Variants in BTC observed in about 807,000 individuals in gnomAD.
BTC encodes betacellulin.
In BTC, 13 loss-of-function variants were observed where a neutral mutation model predicts 18.1. That is an observed-to-expected ratio of 0.72 (90% CI 0.47 to 1.14). The LOEUF is 1.14. BTC is among the 50% of genes most tolerant of loss of function. The pLI, the probability that BTC is intolerant of heterozygous loss-of-function variation, is 0.00. For synonymous variants in BTC, 83 were observed against 79.4 expected, an observed-to-expected ratio of 1.05 and a Z score of -0.24; for missense variants, 247 against 224.2, an observed-to-expected ratio of 1.10 and a Z score of -0.65.
intron 1 of BTC, among the ~76,000 whole-genome samples, chr4:74,780,840 C>T (rs917132995): frequency 2.6e-5 from 4 of 150,974 alleles, no homozygotes; most frequent in African/African-American, 9.7e-5. Flanking sequence ...ATTGGTTTCC[C>T]AGGTTCCAAG....
intron 1 of BTC, among the ~76,000 whole-genome samples, chr4:74,780,849 AGTG>A (rs1725297906): frequency 6.6e-6 from 1 of 151,090 alleles, no homozygotes; most frequent in South Asian, 2.1e-4. Context: ...CCAGGTTCCA[AGTG>A]GCCTGAGTCT....
intron 1 of BTC, among the ~76,000 whole-genome samples, chr4:74,784,607 C>T (rs1270395864): frequency 6.6e-6 from 1 of 152,092 alleles, no homozygotes; most frequent in East Asian, 1.9e-4. Context: ...CTTTCAATAC[C>T]TAGTTTATTG....
chr4:74,749,691 G>T (rs71605423), intron 4 of BTC, among the ~76,000 whole-genome samples: 34,878 of 76,280 alleles, frequency 0.46, 6,614 homozygotes, highest in Non-Finnish European at 0.53. Flanking sequence ...TTTTTTTGTT[G>T]TTGTTGTTGT....
chr4:74,760,716 T>C (rs1724728964), intron 2 of BTC, among the ~76,000 whole-genome samples: 1 of 151,124 alleles, frequency 6.6e-6, no homozygotes. Flanking sequence ...TAGCATGATA[T>C]GGACAGATTA....
chr4:74,792,134 G>A (rs915815053), intron 1 of BTC, among the ~76,000 whole-genome samples: 1 of 152,132 alleles, frequency 6.6e-6, no homozygotes, highest in African/African-American at 2.4e-5. Context: ...GCCACTTAAT[G>A]GAAACAGCGA....
At chr4:74,773,121 G>A (rs1434388943) in intron 1 of BTC, among the ~76,000 whole-genome samples, 2 of 152,226 alleles carry the variant, frequency 1.3e-5, no homozygotes. Flanking sequence ...AGGTTGGTGG[G>A]TGTGAACCAA....
chr4:74,777,446 A>G (rs1203110565), intron 1 of BTC, among the ~76,000 whole-genome samples: 2 of 152,176 alleles, frequency 1.3e-5, no homozygotes, highest in African/African-American at 2.4e-5. Flanking sequence ...GATACTGACA[A>G]ATTTCTACAT....
chr4:74,748,084 A>T lies in BTC; in HGVS notation c.494T>A (p.Ile165Lys). The change falls in exon 5 of 6, where the codon ATA becomes AAA. Residue 165 changes from isoleucine to lysine, a missense_variant. Transcript: ENST00000395743. ...TTCAATATCTTCATTGATAGGAGTT[A>T]TATCTTTACCCAGAGTTTCCATTTC... ...EEEMETLGKDITPINEDIEET... is the reference protein window; with the variant it reads ...EEEMETLGKDKTPINEDIEET... The T allele has an allele frequency of 6.2e-7, 1 of 1,610,240 alleles. No individual in the cohort carries two copies. Among genetic ancestry groups the T allele is most frequent in the Non-Finnish European group, 8.5e-7 (1 of 1,178,166 alleles).
At chr4:74,793,597 C>G (rs915323884) in intron 1 of BTC, among the ~76,000 whole-genome samples, 8 of 152,290 alleles carry the variant, frequency 5.3e-5, no homozygotes, top group Admixed American at 1.3e-4. Flanking sequence ...TACTTAGAAG[C>G]CTTCTCACTA....
intron 3 of BTC, among the ~76,000 whole-genome samples, chr4:74,752,472 G>A (rs980149134): frequency 6.7e-6 from 1 of 148,688 alleles, no homozygotes; most frequent in Admixed American, 6.9e-5. Flanking sequence ...TCCGTCTCCC[G>A]GGTTCAAGCG....
chr4:74,770,213 G>C, intron 1 of BTC, 57 bp from the exon 2 acceptor site: 1 of 1,338,334 alleles, frequency 7.5e-7, no homozygotes, highest in Non-Finnish European at 1.1e-6. Flanking sequence ...TTGTGAAACA[G>C]TCTATCAAAG....
chr4:74,748,484 C>T (rs1442594457), intron 4 of BTC, among the ~76,000 whole-genome samples: 1 of 151,506 alleles, frequency 6.6e-6, no homozygotes, highest in South Asian at 2.1e-4. Flanking sequence ...TGCAGTGAGC[C>T]GAGATTGCGC....
chr4:74,794,407 G>T lies in BTC; in HGVS notation c.-82C>A. 7.2e-7 allele frequency: 1 copy of T among 1,382,488 alleles called. No homozygotes were observed. Among genetic ancestry groups the T allele is most frequent in the Non-Finnish European group, 9.5e-7 (1 of 1,051,438 alleles). The allele number at this position is 1,382,488 out of a possible 1,614,324, so 85.6% of individuals were successfully genotyped here. ...CCCTTCCCGGGCCTCGGGCGCCTGAGAGGGTGCCTGGAAACTAATCCCGGA... is the reference window on the plus strand; with the variant it reads ...CCCTTCCCGGGCCTCGGGCGCCTGATAGGGTGCCTGGAAACTAATCCCGGA... On this transcript the variant is annotated 5_prime_UTR_variant, in exon 1 of 6. Transcript: ENST00000395743.
intron 1 of BTC, among the ~76,000 whole-genome samples, chr4:74,785,878 T>C (rs1385416415): frequency 1.3e-5 from 2 of 152,190 alleles, no homozygotes; most frequent in Non-Finnish European, 2.9e-5. Context: ...AATAATGATA[T>C]CAACCTAGCT....
chr4:74,758,252 T>C (rs752599158), intron 2 of BTC, among the ~76,000 whole-genome samples: 12 of 152,214 alleles, frequency 7.9e-5, no homozygotes, highest in Non-Finnish European at 1.6e-4. Flanking sequence ...CAGATATCAG[T>C]AGGCTGAAGT....
intron 2 of BTC, among the ~76,000 whole-genome samples, chr4:74,759,051 C>T (rs374251303): frequency 1.3e-5 from 2 of 151,864 alleles, no homozygotes; most frequent in Admixed American, 6.6e-5. Flanking sequence ...TTTTTTTGAA[C>T]GGCACCTAAA....
intron 1 of BTC, 110 bp downstream of exon 1, chr4:74,794,152 C>CTCG: frequency 7.2e-7 from 1 of 1,390,390 alleles, no homozygotes. Flanking sequence ...CGCCTGCCAG[C>CTCG]CCCAGCGCGC....
In BTC at chr4:74,748,147, G is replaced by T; in HGVS notation, c.431C>A (p.Pro144His). ...CTTTCTTTTACGACGTTTCCGAAGA[G>T]GGCTTGGAAAATACGTGTTAGAAGT... ...LVIGVCTCCH[P>H]LRKRRKRKKK... Residue 144 changes from proline (P) to histidine (H), a missense_variant and splice_region_variant, in exon 5 of 6, where the codon CCT becomes CAT. Coordinates refer to ENST00000395743, the MANE Select transcript of BTC (RefSeq NM_001729.4). The T allele has an allele frequency of 6.3e-7, 1 of 1,599,684 alleles. No homozygotes were observed.
At chr4:74,786,838 A>T (rs1227952531) in intron 1 of BTC, among the ~76,000 whole-genome samples, 1 of 152,172 alleles carries the variant, frequency 6.6e-6, no homozygotes, top group Admixed American at 6.6e-5. Flanking sequence ...CTATGGGAAA[A>T]AGAAAAGCCT....
Sources: gnomAD v4.1 joint callset for allele counts (sites outside exome capture counted in the v4.1 genomes callset) on GRCh38, gnomAD v4.1.1 for gene constraint, MANE v1.5 for transcripts, NCBI Gene and HGNC (gene_info 2026-07-23, HGNC 2026-07-21) for gene names.